DMD: variants seen among roughly 807,000 people sequenced by gnomAD.
DMD encodes dystrophin, also known as mutant dystrophin.
In DMD, 63 loss-of-function variants were observed where a neutral mutation model predicts 330.1. The ratio of observed to expected loss-of-function variants is 0.19; its 90% confidence interval spans 0.16 to 0.24. DMD has a LOEUF of 0.24. Ranked by LOEUF, DMD falls within the 10% of genes least tolerant of loss-of-function variation. The pLI is 1.00. For synonymous variants in DMD, 1,223 were observed against 959.8 expected, an observed-to-expected ratio of 1.27 and a Z score of -5.07; for missense variants, 3,344 against 2,684.1, an observed-to-expected ratio of 1.25 and a Z score of -5.43.
At chrX:32,551,914 T>A (rs773202257) in intron 16 of DMD, among the ~76,000 whole-genome samples, 5 of 111,896 alleles carry the variant, frequency 4.5e-5, no homozygotes, top group Non-Finnish European at 7.5e-5. Flanking sequence ...GGAATACAGC[T>A]AAGCAAGGAG....
chrX:32,801,917 T>C (rs752162827), intron 7 of DMD, among the ~76,000 whole-genome samples: 2 of 111,995 alleles, frequency 1.8e-5, no homozygotes, highest in Admixed American at 9.5e-5. Flanking sequence ...TGTAGCCTTG[T>C]AGTGTAGTTT....
rs781733768 is a variant in DMD, at chrX:31,372,289, G to A, written c.9085-23655C>T. ...CAGATGGAGGAAGGAGAGATTTTAG[G>A]CATAGAGTACAAGTAGAAAGCTGCT... On this transcript the variant is annotated intron_variant, in intron 60 of 78. Transcript: ENST00000357033. 2.7e-5 allele frequency among the ~76,000 whole-genome samples: 3 copies of A among 112,115 alleles called. No homozygotes were observed. The South Asian group carries it at 1.1e-3, about 42-fold the overall frequency.
chrX:32,632,391 T>A (rs1042344511), intron 11 of DMD, among the ~76,000 whole-genome samples: 1 of 111,542 alleles, frequency 9.0e-6, no homozygotes. Context: ...TGTCAGTGGA[T>A]CTACCATTCT....
At chrX:32,760,510 C>A (rs2072138100) in intron 7 of DMD, among the ~76,000 whole-genome samples, 1 of 111,663 alleles carries the variant, frequency 9.0e-6, no homozygotes, top group Admixed American at 9.5e-5. Context: ...CTGTATCTCT[C>A]TCCCATTCTA....
At chrX:33,232,945 A>G (rs1022276551) in intron 1 of DMD, among the ~76,000 whole-genome samples, 4 of 111,720 alleles carry the variant, frequency 3.6e-5, no homozygotes, top group African/African-American at 1.3e-4. Flanking sequence ...CCTACCGGGA[A>G]AAGAAAGATG....
intron 7 of DMD, among the ~76,000 whole-genome samples, chrX:32,753,295 A>G (rs1379771901): frequency 8.9e-6 from 1 of 112,339 alleles, no homozygotes; most frequent in Non-Finnish European, 1.9e-5. Flanking sequence ...GTATTCCTCA[A>G]AAGACAATAT....
intron 34 of DMD, among the ~76,000 whole-genome samples, chrX:32,373,148 CT>C (rs1569560161): frequency 1.8e-5 from 2 of 108,276 alleles, no homozygotes; most frequent in Non-Finnish European, 3.9e-5. Flanking sequence ...CACCCAGTAT[CT>C]TTTGGAAGGG....
At chrX:31,198,062 T>TA (rs79934213) in intron 67 of DMD, among the ~76,000 whole-genome samples, 9,430 of 99,160 alleles carry the variant, frequency 0.095, 644 homozygotes, top group East Asian at 0.44. Flanking sequence ...CTCATGGAGA[T>TA]AGAGTAAAAT....
At chrX:31,249,325 C>T (rs1010762344) in intron 63 of DMD, among the ~76,000 whole-genome samples, 2 of 110,977 alleles carry the variant, frequency 1.8e-5, no homozygotes, top group African/African-American at 6.6e-5. Flanking sequence ...CACTGCAACC[C>T]GTGCCTCCCA....
intron 62 of DMD, among the ~76,000 whole-genome samples, chrX:31,269,117 G>A (rs766310900): frequency 9.9e-5 from 11 of 111,462 alleles, no homozygotes; most frequent in South Asian, 3.8e-4. Context: ...AAATCTTGAC[G>A]TCATATTATA....
intron 1 of DMD, among the ~76,000 whole-genome samples, chrX:33,304,174 G>A (rs2053715074): frequency 9.0e-6 from 1 of 111,141 alleles, no homozygotes; most frequent in African/African-American, 3.3e-5. Flanking sequence ...TATACTACAA[G>A]GCTACAGTAA....
chrX:32,984,636 T>C (rs1263401269), intron 2 of DMD, among the ~76,000 whole-genome samples: 1 of 112,085 alleles, frequency 8.9e-6, no homozygotes, highest in East Asian at 2.8e-4. Context: ...TGTGCTATAA[T>C]ATGTGAAGCC....
intron 44 of DMD, among the ~76,000 whole-genome samples, chrX:32,208,197 C>A (rs1464472705): frequency 8.9e-6 from 1 of 111,797 alleles, no homozygotes; most frequent in East Asian, 2.8e-4. Flanking sequence ...TACAACAGGA[C>A]AAAATTATGA....
At chrX:32,691,771 G>A (rs2063298964) in intron 9 of DMD, among the ~76,000 whole-genome samples, 1 of 111,140 alleles carries the variant, frequency 9.0e-6, no homozygotes, top group Non-Finnish European at 1.9e-5. Flanking sequence ...GTCCACTGAT[G>A]GATGAGGGGA....
chrX:33,146,067 T>C (rs1160262248), intron 1 of DMD, among the ~76,000 whole-genome samples: 2 of 110,029 alleles, frequency 1.8e-5, no homozygotes, highest in Non-Finnish European at 3.8e-5. Context: ...TTTTTAAATA[T>C]ATATTTTCAG....
chrX:32,999,886 C>A (rs1487697963), intron 2 of DMD, among the ~76,000 whole-genome samples: 3 of 112,602 alleles, frequency 2.7e-5, no homozygotes, highest in African/African-American at 6.4e-5. Context: ...GAGCACAGAT[C>A]CATTGTTGCA....
chrX:33,212,129 C>T (rs1463493306), upstream of DMD, among the ~76,000 whole-genome samples: 1 of 112,345 alleles, frequency 8.9e-6, no homozygotes, highest in Non-Finnish European at 1.9e-5. Context: ...TCTCATGGGA[C>T]ATGTTTTCCT....
At chrX:33,210,815 A>T (rs568377944) in intron 1 of DMD, among the ~76,000 whole-genome samples, 9 of 111,679 alleles carry the variant, frequency 8.1e-5, no homozygotes, top group Middle Eastern at 9.3e-3. Flanking sequence ...TGTCAGAGAA[A>T]CTTTTTCTAA....
At chrX:33,249,821 T>C (rs1399965984) in intron 1 of DMD, among the ~76,000 whole-genome samples, 2 of 110,470 alleles carry the variant, frequency 1.8e-5, no homozygotes, top group Non-Finnish European at 3.8e-5. Context: ...TAAAATTTTA[T>C]TTTCAATATG....
Sources: allele counts gnomAD v4.1 joint callset (sites outside exome capture counted in the v4.1 genomes callset), GRCh38; gene constraint gnomAD v4.1.1; transcripts MANE v1.5; gene names NCBI Gene and HGNC (gene_info 2026-07-23, HGNC 2026-07-21).